PPP2R3A: variants seen among roughly 807,000 people sequenced by gnomAD.
The protein encoded by PPP2R3A is serine/threonine-protein phosphatase 2A regulatory subunit B'' subunit alpha.
PPP2R3A carries 80 observed loss-of-function variants against 106.9 expected under a neutral mutation model. The ratio of observed to expected loss-of-function variants is 0.75; its 90% CI spans 0.62 to 0.90. The LOEUF (loss-of-function observed/expected upper bound fraction) is 0.90. Ranked by LOEUF, PPP2R3A falls within the 40% of genes least tolerant of loss-of-function variation. The probability of loss-of-function intolerance (pLI) is 0.00; values close to 1 mark genes in which losing one functional copy is unlikely to be tolerated. For synonymous variants in PPP2R3A, 483 were observed against 468.3 expected (o/e 1.03, Z -0.41); for missense variants, 1,386 against 1,350.4 (o/e 1.03, Z -0.41).
intron 1 of PPP2R3A, among the ~76,000 whole-genome samples, chr3:135,967,351 A>G (rs1467119275): frequency 6.6e-6 from 1 of 152,208 alleles, no homozygotes; most frequent in Non-Finnish European, 1.5e-5. Flanking sequence ...GACAACCTGA[A>G]CATTGAGCAG....
chr3:136,007,236 T>G (rs927385257), intron 2 of PPP2R3A, among the ~76,000 whole-genome samples: 2 of 152,244 alleles, frequency 1.3e-5, no homozygotes. Flanking sequence ...TGGCCTTTAT[T>G]TAGCATTAAA....
intron 13 of PPP2R3A, among the ~76,000 whole-genome samples, chr3:136,125,760 A>T (rs1178958671): frequency 6.6e-6 from 1 of 152,158 alleles, no homozygotes; most frequent in Non-Finnish European, 1.5e-5. Context: ...TAACATATCA[A>T]ATCCAATGAC....
chr3:136,112,182 C>T (rs1280725670), intron 13 of PPP2R3A, among the ~76,000 whole-genome samples: 9 of 152,074 alleles, frequency 5.9e-5, no homozygotes, highest in African/African-American at 7.2e-5. Flanking sequence ...CCACAGCCAG[C>T]GTCACAATGA....
chr3:135,982,503 C>G (rs1220685656), intron 1 of PPP2R3A, among the ~76,000 whole-genome samples: 2 of 152,124 alleles, frequency 1.3e-5, no homozygotes, highest in Non-Finnish European at 2.9e-5. Flanking sequence ...TGTCCTGACC[C>G]TAGAGTTGGA....
In PPP2R3A at chr3:136,116,072, A is replaced by T. The variant is rs148570443; in HGVS notation, c.3329+9750A>T. Among the ~76,000 whole-genome samples, 309 of 152,340 alleles carry T rather than the reference A, an allele frequency of 2.0e-3. 2 individuals carry two copies. Among genetic ancestry groups the T allele is most frequent in the African/African-American group, 7.0e-3 (292 of 41,570 alleles). On this transcript the variant is annotated intron_variant, in intron 13 of 13. Transcript: ENST00000264977. ...CTGCAGAAACCCTACAAGCCAGAAG[A>T]AGAAAGTGGGGACTGATATTCAACA...
At chr3:135,975,533 T>A (rs1033643768) in intron 1 of PPP2R3A, among the ~76,000 whole-genome samples, 2 of 152,214 alleles carry the variant, frequency 1.3e-5, no homozygotes, top group Admixed American at 6.5e-5. Flanking sequence ...CTAGATGAGC[T>A]GATTTCCTAG....
chr3:136,018,985 T>A (rs1195915561), intron 2 of PPP2R3A, among the ~76,000 whole-genome samples: 1 of 152,188 alleles, frequency 6.6e-6, no homozygotes, highest in Non-Finnish European at 1.5e-5. Context: ...TAACAACTGA[T>A]GTGTTCCAGC....
chr3:136,067,863 G>A (rs1936307087), intron 5 of PPP2R3A, among the ~76,000 whole-genome samples: 1 of 152,172 alleles, frequency 6.6e-6, no homozygotes, highest in Non-Finnish European at 1.5e-5. Context: ...CTGGGGCAAG[G>A]AAAATACAAG....
chr3:135,970,236 C>T (rs961347346), intron 1 of PPP2R3A, among the ~76,000 whole-genome samples: 1 of 152,014 alleles, frequency 6.6e-6, no homozygotes, highest in African/African-American at 2.4e-5. Flanking sequence ...GGAGGATAGC[C>T]CAGGAAGAGA....
At chr3:136,020,931 G>A (rs77651759) in intron 2 of PPP2R3A, among the ~76,000 whole-genome samples, 143 of 152,072 alleles carry the variant, frequency 9.4e-4, no homozygotes, top group African/African-American at 3.3e-3. Context: ...TACAGTAAGG[G>A]GACTTAAATA....
At chr3:136,106,937 A>AC (rs1937528220) in intron 13 of PPP2R3A, 1 of 126,944 alleles carries the variant, frequency 7.9e-6, no homozygotes, top group Non-Finnish European at 1.7e-5. Flanking sequence ...AAAAAAAAAA[A>AC]AAAAAAAAAA....
chr3:136,118,226 T>G lies in PPP2R3A; in HGVS notation c.3329+11904T>G, dbSNP rs145253543. On this transcript the variant is annotated intron_variant, in intron 13 of 13. Transcript: ENST00000264977. ...TAAACTAGGTATTGATGGAACACAG[T>G]CTCAAAATAATAAGAGCTATTTATG... 7.6e-3 allele frequency among the ~76,000 whole-genome samples: 1,154 copies of G among 152,264 alleles called. 19 individuals are homozygous for G. The highest frequency in any genetic ancestry group is 0.026 in the African/African-American group (1,090 of 41,556).
At chr3:135,977,867 A>T (rs2107754871) in intron 1 of PPP2R3A, among the ~76,000 whole-genome samples, 1 of 151,502 alleles carries the variant, frequency 6.6e-6, no homozygotes, top group South Asian at 2.1e-4. Context: ...TGCCCGGCTA[A>T]TATTTGTGTT....
chr3:136,107,727 A>C (rs1937541054), intron 13 of PPP2R3A, among the ~76,000 whole-genome samples: 1 of 152,116 alleles, frequency 6.6e-6, no homozygotes, highest in South Asian at 2.1e-4. Flanking sequence ...CTAGGATTTC[A>C]TTTTTATGGC....
intron 12 of PPP2R3A, among the ~76,000 whole-genome samples, 170 bp from the exon 13 acceptor site, chr3:136,106,046 G>A (rs192365863): frequency 2.6e-5 from 4 of 152,308 alleles, no homozygotes; most frequent in Admixed American, 6.5e-5. Context: ...GCCATTTGAG[G>A]TGTAGAAAAT....
intron 10 of PPP2R3A, among the ~76,000 whole-genome samples, chr3:136,100,779 C>T (rs1189638992): frequency 6.6e-6 from 1 of 151,988 alleles, no homozygotes; most frequent in Non-Finnish European, 1.5e-5. Context: ...TGCAGTGAGC[C>T]ATGTTGTGCC....
intron 13 of PPP2R3A, among the ~76,000 whole-genome samples, chr3:136,140,980 C>T (rs1464780954): frequency 3.3e-5 from 5 of 152,306 alleles, no homozygotes; most frequent in South Asian, 4.1e-4. Flanking sequence ...AATCCTGTCC[C>T]GGCAACTCTA....
At chr3:136,144,731 T>C (rs545371417) in intron 13 of PPP2R3A, among the ~76,000 whole-genome samples, 1 of 152,266 alleles carries the variant, frequency 6.6e-6, no homozygotes, top group East Asian at 1.9e-4. Context: ...TCATACTTCA[T>C]GGACCTCAAA....
At chr3:136,056,250 A>C (rs1236534816) in intron 5 of PPP2R3A, among the ~76,000 whole-genome samples, 1 of 152,242 alleles carries the variant, frequency 6.6e-6, no homozygotes, top group Admixed American at 6.5e-5. Context: ...ATAACTAAAT[A>C]GAATATGATG....
Sources: gnomAD v4.1 joint callset for allele counts (sites outside exome capture counted in the v4.1 genomes callset) on GRCh38, gnomAD v4.1.1 for gene constraint, MANE v1.5 for transcripts, NCBI Gene and HGNC (gene_info 2026-07-23, HGNC 2026-07-21) for gene names.